The following PRKN variants were observed in gnomAD, a reference collection of about 807,000 sequenced individuals.
PRKN encodes parkin RBR E3 ubiquitin protein ligase, also known as E3 ubiquitin-protein ligase parkin.
A neutral mutation model predicts 59.5 loss-of-function variants in PRKN; 56 were observed. That is an observed-to-expected ratio of 0.94 (90% CI 0.76 to 1.18). PRKN has a LOEUF of 1.18. Among genes scored for constraint, PRKN ranks in the 50% most tolerant of loss-of-function variants. The pLI, the probability that PRKN is intolerant of heterozygous loss-of-function variation, is 0.00. For missense variants in PRKN, 657 were observed against 596.4 expected (o/e 1.10, Z -1.06); for synonymous variants, 250 against 222.1 (o/e 1.13, Z -1.12).
chr6:161,999,673 C>T (rs1781976785), intron 5 of PRKN, among the ~76,000 whole-genome samples: 2 of 151,994 alleles, frequency 1.3e-5, no homozygotes, highest in Admixed American at 6.6e-5. Context: ...GTGGTAGGCA[C>T]AGATAGGAAT....
At chr6:162,604,697 CT>C (rs35730217) in intron 1 of PRKN, among the ~76,000 whole-genome samples, 561 of 135,154 alleles carry the variant, frequency 4.2e-3, no homozygotes, top group Non-Finnish European at 5.6e-3. Context: ...TTTCTCTCTC[CT>C]TTTTTTTTTT....
chr6:161,839,343 G>C (rs1792889529), intron 6 of PRKN, among the ~76,000 whole-genome samples: 1 of 152,088 alleles, frequency 6.6e-6, no homozygotes, highest in Admixed American at 6.5e-5. Context: ...TGGGGATAAG[G>C]CTGCACTAAG....
rs529714203 is a variant in PRKN, at chr6:161,369,995, T to G, written c.1168-9790A>C. The stretch of plus-strand genomic sequence containing the variant: ...CCAGGTGCACCCTGAATGCTAACCG[T>G]GTGTTTTCTATGATCACCACCATTA... On this transcript the variant is annotated intron_variant, in intron 10 of 11. Transcript: ENST00000366898. This position sits in a 1 kb window ranked among gnomAD's most constrained non-coding sequence, Gnocchi z 5.8. 4.5e-6 allele frequency: 2 copies of G among 444,568 alleles called. No homozygotes were observed. The highest frequency in any genetic ancestry group is 4.0e-5 in the African/African-American group (2 of 49,936). The allele number at this position is 444,568 out of a possible 1,614,324, so 27.5% of individuals were successfully genotyped here.
intron 5 of PRKN, among the ~76,000 whole-genome samples, chr6:162,043,328 T>C (rs1191485155): frequency 3.3e-5 from 5 of 152,158 alleles, no homozygotes; most frequent in Non-Finnish European, 7.3e-5. Flanking sequence ...CAGAAAAATA[T>C]AGATGTTTTT....
At chr6:161,625,969 G>C (rs1783069641) in intron 7 of PRKN, among the ~76,000 whole-genome samples, 1 of 152,166 alleles carries the variant, frequency 6.6e-6, no homozygotes, top group Non-Finnish European at 1.5e-5. Context: ...TTTCATTACA[G>C]TATAAAGTAA....
chr6:162,519,888 T>A (rs756274191), intron 1 of PRKN, among the ~76,000 whole-genome samples: 8 of 152,220 alleles, frequency 5.3e-5, no homozygotes, highest in Non-Finnish European at 1.0e-4. Context: ...CATTCATGAT[T>A]CACAAATTGC....
intron 1 of PRKN, among the ~76,000 whole-genome samples, chr6:162,700,335 G>T (rs553209690): frequency 6.6e-6 from 1 of 152,314 alleles, no homozygotes; most frequent in African/African-American, 2.4e-5. Context: ...AATGATCTGA[G>T]AAGAAAAGAG....
intron 7 of PRKN, among the ~76,000 whole-genome samples, chr6:161,747,610 T>TAATC (rs1212902861): frequency 6.6e-6 from 1 of 152,218 alleles, no homozygotes; most frequent in African/African-American, 2.4e-5. Flanking sequence ...TAGCAGTGCA[T>TAATC]AATCATTTGT....
chr6:162,025,335 A>G (rs1208956159), intron 5 of PRKN, among the ~76,000 whole-genome samples: 1 of 152,070 alleles, frequency 6.6e-6, no homozygotes, highest in East Asian at 1.9e-4. Context: ...TTTATAAATA[A>G]TTTCAGAAGA....
chr6:161,983,074 C>T (rs1275023182), intron 5 of PRKN, among the ~76,000 whole-genome samples: 32 of 32,086 alleles, frequency 1.0e-3, no homozygotes, highest in African/African-American at 4.3e-3. Flanking sequence ...AAACAAACAA[C>T]CCCATCAAAA....
chr6:162,416,892 T>G (rs539603317), intron 2 of PRKN, among the ~76,000 whole-genome samples: 1 of 152,296 alleles, frequency 6.6e-6, no homozygotes, highest in Admixed American at 6.5e-5. Flanking sequence ...AAGAAATTTT[T>G]TATTTAAAAA....
chr6:161,874,935 T>A (rs1220974629), intron 6 of PRKN, among the ~76,000 whole-genome samples: 4 of 86,134 alleles, frequency 4.6e-5, no homozygotes, highest in African/African-American at 1.9e-4. Context: ...TAAAATATAA[T>A]ATAATATATT....
chr6:162,198,694 T>A (rs1784596482), intron 4 of PRKN, among the ~76,000 whole-genome samples: 1 of 151,070 alleles, frequency 6.6e-6, no homozygotes, highest in Non-Finnish European at 1.5e-5. Flanking sequence ...TCTGGCTAAC[T>A]GATTTCAGAG....
intron 6 of PRKN, among the ~76,000 whole-genome samples, chr6:161,800,324 C>T (rs948703041): frequency 6.6e-6 from 1 of 152,266 alleles, no homozygotes; most frequent in Middle Eastern, 3.4e-3. Context: ...GCAGATTTCT[C>T]GCTTTTTAGG....
At chr6:162,221,110 C>A (rs1488622261) in intron 3 of PRKN, among the ~76,000 whole-genome samples, 1 of 152,290 alleles carries the variant, frequency 6.6e-6, no homozygotes, top group East Asian at 1.9e-4. Flanking sequence ...CTGGTTCCTG[C>A]TGGAATAGTT....
chr6:162,370,669 T>C (rs1248827789), intron 2 of PRKN, among the ~76,000 whole-genome samples: 2 of 152,218 alleles, frequency 1.3e-5, no homozygotes, highest in Non-Finnish European at 2.9e-5. Flanking sequence ...ACTTATTCCA[T>C]GCAATATTTC....
chr6:162,690,782 T>C (rs1177086116), intron 1 of PRKN, among the ~76,000 whole-genome samples: 2 of 152,294 alleles, frequency 1.3e-5, no homozygotes, highest in East Asian at 1.9e-4. Context: ...TCAGATCAGA[T>C]GTTCCTCTTT....
chr6:161,737,912 G>A (rs146765073), intron 7 of PRKN, among the ~76,000 whole-genome samples: 6 of 152,216 alleles, frequency 3.9e-5, no homozygotes, highest in East Asian at 1.9e-4. Context: ...ATTACATCCC[G>A]TTTAACTCAC....
chr6:162,063,958 C>T (rs957355708), intron 4 of PRKN, among the ~76,000 whole-genome samples: 32 of 152,198 alleles, frequency 2.1e-4, no homozygotes, highest in African/African-American at 7.7e-4. Context: ...GCAACATAGA[C>T]TCGTACAAGC....
Sources: allele counts gnomAD v4.1 joint callset (sites outside exome capture counted in the v4.1 genomes callset), GRCh38; gene constraint gnomAD v4.1.1; non-coding constraint Gnocchi (gnomAD v3.1); transcripts MANE v1.5; gene names NCBI Gene and HGNC (gene_info 2026-07-23, HGNC 2026-07-21).